KCNT2: variants seen among roughly 807,000 people sequenced by gnomAD.
The protein encoded by KCNT2 is potassium sodium-activated channel subfamily T member 2.
In KCNT2, 67 loss-of-function variants were observed where a neutral mutation model predicts 153.8. The observed-to-expected ratio is 0.44, with a 90% CI of 0.36 to 0.53. The LOEUF (loss-of-function observed/expected upper bound fraction) is 0.53. Among genes scored for constraint, KCNT2 ranks in the 20% least tolerant of loss-of-function variants. KCNT2 has a pLI of 0.00. For synonymous variants in KCNT2, 500 were observed against 458.8 expected (o/e 1.09, Z -1.15); for missense variants, 975 against 1,354.8 (o/e 0.72, Z 4.40).
chr1:196,547,209 T>C (rs892796909), intron 1 of KCNT2, among the ~76,000 whole-genome samples: 2 of 151,934 alleles, frequency 1.3e-5, no homozygotes, highest in African/African-American at 4.8e-5. Context: ...AATTAAAAAC[T>C]CAGGATGCTC....
intron 1 of KCNT2, among the ~76,000 whole-genome samples, chr1:196,584,445 A>G (rs1662432933): frequency 1.3e-5 from 2 of 152,114 alleles, no homozygotes; most frequent in South Asian, 4.1e-4. Context: ...TCCTATTCAA[A>G]TTAACAAATG....
intron 13 of KCNT2, among the ~76,000 whole-genome samples, chr1:196,390,747 A>G (rs1670409972): frequency 1.3e-5 from 2 of 151,460 alleles, no homozygotes; most frequent in Admixed American, 1.3e-4. Flanking sequence ...ACATGGATGC[A>G]TACACATGTA....
intron 1 of KCNT2, among the ~76,000 whole-genome samples, chr1:196,555,306 G>A (rs151298919): frequency 6.6e-5 from 10 of 151,256 alleles, no homozygotes; most frequent in East Asian, 1.9e-4. Context: ...CAGTAAAGTC[G>A]CAGGATACAA....
chr1:196,511,164 T>A (rs1184395580), intron 1 of KCNT2, among the ~76,000 whole-genome samples: 4 of 148,580 alleles, frequency 2.7e-5, no homozygotes, highest in African/African-American at 1.0e-4. Flanking sequence ...CACAACTTTT[T>A]AAAACATGCA....
intron 13 of KCNT2, among the ~76,000 whole-genome samples, chr1:196,389,111 C>T (rs1225287044): frequency 1.3e-5 from 2 of 151,438 alleles, no homozygotes; most frequent in African/African-American, 4.8e-5. Context: ...ACTTATTTTC[C>T]CCTTTAATGT....
At chr1:196,366,906 C>T (rs1226614354) in intron 14 of KCNT2, among the ~76,000 whole-genome samples, 3 of 152,112 alleles carry the variant, frequency 2.0e-5, no homozygotes, top group Non-Finnish European at 4.4e-5. Context: ...ATTATTATCT[C>T]AACTTTCCAT....
intron 4 of KCNT2, among the ~76,000 whole-genome samples, chr1:196,479,913 A>G (rs1479225545): frequency 1.3e-5 from 2 of 152,248 alleles, no homozygotes; most frequent in Non-Finnish European, 2.9e-5. Flanking sequence ...TACATCTTTG[A>G]GTACTAAATA....
At chr1:196,518,694 C>T (rs951881128) in intron 1 of KCNT2, among the ~76,000 whole-genome samples, 5 of 152,020 alleles carry the variant, frequency 3.3e-5, no homozygotes, top group African/African-American at 7.2e-5. Context: ...AAGCACATTA[C>T]ATAATGGTAA....
chr1:196,298,378 T>G (rs1660870426), intron 22 of KCNT2, among the ~76,000 whole-genome samples: 1 of 152,142 alleles, frequency 6.6e-6, no homozygotes, highest in African/African-American at 2.4e-5. Flanking sequence ...GATTCAATAA[T>G]TAGCTAAAAT....
chr1:196,428,400 T>C (rs1673838652), intron 9 of KCNT2, 131 bp from the exon 10 acceptor site: 1 of 651,538 alleles, frequency 1.5e-6, no homozygotes. Flanking sequence ...ATTGTCAGTA[T>C]TCCCCTTCAA....
At chr1:196,458,567 A>G (rs953242911) in intron 8 of KCNT2, among the ~76,000 whole-genome samples, 15 of 151,990 alleles carry the variant, frequency 9.9e-5, no homozygotes, top group Admixed American at 6.6e-5. Flanking sequence ...GAGGTCCTGT[A>G]TATCATTACA....
At chr1:196,414,215 A>T (rs1672570199) in intron 12 of KCNT2, among the ~76,000 whole-genome samples, 1 of 151,746 alleles carries the variant, frequency 6.6e-6, no homozygotes, top group South Asian at 2.1e-4. Context: ...GTAACAGATT[A>T]TTCTAATTCA....
chr1:196,507,973 A>T (rs1344669949), intron 1 of KCNT2, among the ~76,000 whole-genome samples: 1 of 151,938 alleles, frequency 6.6e-6, no homozygotes, highest in African/African-American at 2.4e-5. Context: ...GGTTTTCTCT[A>T]CTTGATATTA....
chr1:196,375,384 C>T (rs1668871770), intron 13 of KCNT2, among the ~76,000 whole-genome samples: 1 of 151,790 alleles, frequency 6.6e-6, no homozygotes, highest in Admixed American at 6.6e-5. Flanking sequence ...AGTATGTATG[C>T]ACTGTTCCTT....
Position 196,227,286 on chromosome 1 carries a change from T to A in KCNT2, c.*938A>T, listed in dbSNP as rs1386122524. 2 of 152,026 alleles carry A rather than the reference T, an allele frequency of 1.3e-5. No individual in the cohort carries two copies. The highest frequency in any genetic ancestry group is 4.8e-5 in the African/African-American group (2 of 41,456). 9.4% of individuals were successfully genotyped at this position (152,026 alleles called of 1,614,324 possible). Reference sequence around the variant, plus strand: ...CATAAAAGGTATAAATTATCTTCTGTCAATTTTAAAAGAATTTTTCTAGTG... The same window carrying A: ...CATAAAAGGTATAAATTATCTTCTGACAATTTTAAAAGAATTTTTCTAGTG... On this transcript the variant is annotated 3_prime_UTR_variant, in exon 28 of 28. Coordinates refer to ENST00000294725, the MANE Select transcript of KCNT2 (RefSeq NM_198503.5).
chr1:196,322,159 TA>T (rs1251314019), intron 19 of KCNT2, among the ~76,000 whole-genome samples: 4 of 151,926 alleles, frequency 2.6e-5, no homozygotes, highest in African/African-American at 9.7e-5. Flanking sequence ...ATCTGACTGC[TA>T]AACAGAGAAG....
chr1:196,488,855 A>G (rs1679636740), intron 3 of KCNT2, among the ~76,000 whole-genome samples: 1 of 152,034 alleles, frequency 6.6e-6, no homozygotes, highest in African/African-American at 2.4e-5. Context: ...AGCATATAGA[A>G]AGGACTGATA....
intron 11 of KCNT2, among the ~76,000 whole-genome samples, chr1:196,425,503 A>C (rs1037390617): frequency 6.6e-6 from 1 of 151,988 alleles, no homozygotes; most frequent in Non-Finnish European, 1.5e-5. Context: ...GGATAAAAAC[A>C]GTATTCGGGG....
At chr1:196,341,944 T>G in intron 15 of KCNT2, 135 bp downstream of exon 15, 1 of 747,026 alleles carries the variant, frequency 1.3e-6, no homozygotes, top group Non-Finnish European at 2.1e-6. Flanking sequence ...TGTTTCAACA[T>G]TGGGGAATAT....
Sources: allele counts gnomAD v4.1 joint callset (sites outside exome capture counted in the v4.1 genomes callset), GRCh38; gene constraint gnomAD v4.1.1; transcripts MANE v1.5; gene names NCBI Gene and HGNC (gene_info 2026-07-23, HGNC 2026-07-21).